The following TRMT1L variants were observed in gnomAD, a reference collection of about 807,000 sequenced individuals.
TRMT1L encodes tRNA methyltransferase 1L, also known as tRNA (guanine(27)-N(2))-dimethyltransferase.
TRMT1L carries 28 observed loss-of-function variants against 81.6 expected under a neutral mutation model. The ratio of observed to expected loss-of-function variants is 0.34; its 90% CI spans 0.25 to 0.47. The LOEUF is 0.47. Ranked by LOEUF, TRMT1L falls within the 20% of genes least tolerant of loss-of-function variation. The pLI is 1.00. For synonymous variants in TRMT1L, 301 were observed against 303.2 expected, an observed-to-expected ratio of 0.99 and a Z score of 0.07; for missense variants, 739 against 877.1, an observed-to-expected ratio of 0.84 and a Z score of 1.99.
intron 10 of TRMT1L, among the ~76,000 whole-genome samples, chr1:185,135,715 G>T (rs1652884965): frequency 6.6e-6 from 1 of 151,558 alleles, no homozygotes. Flanking sequence ...CAATTCCTAA[G>T]AATTGAAAAA....
At chr1:185,123,759 A>C (rs1484133803) in intron 13 of TRMT1L, 98 bp downstream of exon 13, 7 of 709,298 alleles carry the variant, frequency 9.9e-6, no homozygotes, top group Non-Finnish European at 1.6e-5. Flanking sequence ...ATGTATTTTT[A>C]AGTAGGCTAC....
intron 10 of TRMT1L, among the ~76,000 whole-genome samples, chr1:185,134,855 T>C (rs1652857328): frequency 6.6e-6 from 1 of 152,132 alleles, no homozygotes; most frequent in East Asian, 1.9e-4. Context: ...AAGTAAGAGA[T>C]GACTAGAGAA....
intron 14 of TRMT1L, 25 bp from the exon 15 acceptor site, chr1:185,120,296 AAT>A: frequency 6.6e-7 from 1 of 1,507,496 alleles, no homozygotes; most frequent in African/African-American, 1.4e-5. Context: ...GGAAAGAAAA[AAT>A]AATCAGGTTC....
chr1:185,151,537 T>C (rs1262794266), intron 2 of TRMT1L, among the ~76,000 whole-genome samples: 1 of 152,202 alleles, frequency 6.6e-6, no homozygotes, highest in Non-Finnish European at 1.5e-5. Context: ...ACACTGTTTT[T>C]TGGGACCTCT....
chr1:185,143,305 A>T (rs370600679), intron 7 of TRMT1L, 52 bp downstream of exon 7: 11 of 1,468,924 alleles, frequency 7.5e-6, no homozygotes, highest in Middle Eastern at 1.8e-4. Context: ...AAGAAAAAAT[A>T]CTGTAAAATT....
At chr1:185,153,355 A>G (rs540580257) in intron 1 of TRMT1L, among the ~76,000 whole-genome samples, 4 of 152,300 alleles carry the variant, frequency 2.6e-5, no homozygotes, top group East Asian at 3.9e-4. Context: ...AGAGATGTAG[A>G]TATTTATAAG....
At chr1:185,136,486 C>T (rs578241269) in intron 10 of TRMT1L, among the ~76,000 whole-genome samples, 1 of 152,230 alleles carries the variant, frequency 6.6e-6, no homozygotes, top group African/African-American at 2.4e-5. Context: ...TCCATTACCA[C>T]CACCAGTTAA....
chr1:185,150,335 G>A, intron 3 of TRMT1L, 44 bp downstream of exon 3: 3 of 1,377,820 alleles, frequency 2.2e-6, no homozygotes, highest in Non-Finnish European at 3.0e-6. Context: ...AATAAATGTT[G>A]AATTTCATAT....
At chr1:185,135,415 CAAA>C (rs1196621264) in intron 10 of TRMT1L, among the ~76,000 whole-genome samples, 2 of 68,518 alleles carry the variant, frequency 2.9e-5, no homozygotes, top group Admixed American at 1.6e-4. Flanking sequence ...GACTCCGTCT[CAAA>C]AAAAAAAAAA....
intron 3 of TRMT1L, among the ~76,000 whole-genome samples, chr1:185,149,625 C>A (rs536823707): frequency 1.3e-5 from 2 of 152,076 alleles, no homozygotes; most frequent in South Asian, 4.1e-4. Context: ...ACTTCTAAGG[C>A]ACTCCTAGGA....
intron 5 of TRMT1L, 32 bp from the exon 6 acceptor site, chr1:185,144,061 A>G (rs1653120935): frequency 1.9e-6 from 3 of 1,553,722 alleles, no homozygotes; most frequent in Admixed American, 4.1e-5. Flanking sequence ...ATTTCCAGGG[A>G]AACACAAAAT....
At chr1:185,149,209 A>G (rs975521325) in intron 3 of TRMT1L, among the ~76,000 whole-genome samples, 1 of 152,084 alleles carries the variant, frequency 6.6e-6, no homozygotes, top group Admixed American at 6.5e-5. Flanking sequence ...AATTTATTCA[A>G]TCATCTCTTT....
intron 4 of TRMT1L, among the ~76,000 whole-genome samples, chr1:185,146,925 GTTAA>G (rs1184684767): frequency 2.0e-5 from 3 of 151,950 alleles, no homozygotes; most frequent in Non-Finnish European, 4.4e-5. Context: ...TAGTAAATGA[GTTAA>G]TTTTCATTTT....
chr1:185,126,583 A>T (rs1350008750), intron 11 of TRMT1L, among the ~76,000 whole-genome samples: 1 of 152,208 alleles, frequency 6.6e-6, no homozygotes, highest in African/African-American at 2.4e-5. Context: ...AGATATACTA[A>T]AGGGAATTTA....
chr1:185,126,727 A>C (rs1053293299), intron 11 of TRMT1L, among the ~76,000 whole-genome samples: 1 of 152,166 alleles, frequency 6.6e-6, no homozygotes, highest in Non-Finnish European at 1.5e-5. Flanking sequence ...TGTGGAAATC[A>C]TAAGGTTTTA....
intron 13 of TRMT1L, 77 bp from the exon 14 acceptor site, chr1:185,120,586 C>G: frequency 3.9e-6 from 5 of 1,268,560 alleles, no homozygotes; most frequent in East Asian, 2.9e-5. Context: ...ATATTTATCT[C>G]AAGTATAAAT....
chr1:185,152,023 C>G, intron 1 of TRMT1L, 88 bp from the exon 2 acceptor site: 4 of 738,262 alleles, frequency 5.4e-6, no homozygotes, highest in Non-Finnish European at 6.3e-6. Context: ...AGTTTATTTC[C>G]TATAACACAG....
intron 1 of TRMT1L, among the ~76,000 whole-genome samples, chr1:185,152,890 T>C (rs1407555): frequency 0.59 from 89,431 of 152,050 alleles, 28,198 homozygotes; most frequent in African/African-American, 0.83. Flanking sequence ...CAATAATGTA[T>C]AATAGGCAGC....
chr1:185,139,725 G>A (rs2102245089), intron 8 of TRMT1L, 146 bp from the exon 9 acceptor site: 2 of 757,748 alleles, frequency 2.6e-6, no homozygotes, highest in East Asian at 2.8e-5. Context: ...TTGAAATTAA[G>A]TAATAAAATG....
Sources: gnomAD v4.1 joint callset for allele counts (sites outside exome capture counted in the v4.1 genomes callset) on GRCh38, gnomAD v4.1.1 for gene constraint, MANE v1.5 for transcripts, NCBI Gene and HGNC (gene_info 2026-07-23, HGNC 2026-07-21) for gene names.